Variants in PPFIA2 observed in about 807,000 individuals in gnomAD.
PPFIA2 encodes the protein PPFI scaffold protein A2.
A neutral mutation model predicts 175.5 loss-of-function variants in PPFIA2; 46 were observed. The observed-to-expected ratio is 0.26, with a 90% CI of 0.21 to 0.34. The LOEUF (loss-of-function observed/expected upper bound fraction) is 0.34, where lower values mean the gene tolerates loss of function less well. PPFIA2 is among the 10% of genes least tolerant of loss of function. The probability of loss-of-function intolerance (pLI) is 1.00; values close to 1 mark genes in which losing one functional copy is unlikely to be tolerated. For missense variants in PPFIA2, 1,179 were observed against 1,506.1 expected, an observed-to-expected ratio of 0.78 and a Z score of 3.60; for synonymous variants, 568 against 511.4, an observed-to-expected ratio of 1.11 and a Z score of -1.49.
chr12:81,569,032 G>A (rs2071940280), intron 4 of PPFIA2, among the ~76,000 whole-genome samples: 1 of 151,962 alleles, frequency 6.6e-6, no homozygotes, highest in Admixed American at 6.6e-5. Context: ...CTTCATAATG[G>A]TATTCAAATA....
chr12:81,398,120 C>A (rs1006748986), intron 8 of PPFIA2, among the ~76,000 whole-genome samples: 2 of 152,008 alleles, frequency 1.3e-5, no homozygotes, highest in Non-Finnish European at 2.9e-5. Context: ...CCATCCCCAA[C>A]CACACCCCCA....
intron 3 of PPFIA2, among the ~76,000 whole-genome samples, chr12:81,733,439 TTTG>T (rs1415729793): frequency 1.3e-5 from 2 of 151,566 alleles, no homozygotes; most frequent in Non-Finnish European, 3.0e-5. Context: ...CACTTAAAAT[TTTG>T]TTAAGAGGGT....
intron 5 of PPFIA2, among the ~76,000 whole-genome samples, chr12:81,449,675 C>G (rs932865240): frequency 6.6e-6 from 1 of 151,970 alleles, no homozygotes; most frequent in Non-Finnish European, 1.5e-5. Context: ...TTCTAGGGTA[C>G]ATGTGCACAA....
At chr12:81,473,856 A>C (rs1192597547) in intron 4 of PPFIA2, among the ~76,000 whole-genome samples, 1 of 152,208 alleles carries the variant, frequency 6.6e-6, no homozygotes, top group Admixed American at 6.5e-5. Context: ...TTATGCACAG[A>C]AATCAACATA....
intron 14 of PPFIA2, among the ~76,000 whole-genome samples, chr12:81,363,760 C>G (rs144375310): frequency 2.0e-5 from 3 of 151,736 alleles, no homozygotes; most frequent in African/African-American, 7.3e-5. Context: ...TTTTTACCAG[C>G]TTCAGTCTCT....
intron 5 of PPFIA2, among the ~76,000 whole-genome samples, chr12:81,450,720 TG>T (rs2052398523): frequency 6.6e-6 from 1 of 152,222 alleles, no homozygotes; most frequent in South Asian, 2.1e-4. Context: ...ATCATCCCTA[TG>T]TCCTGAATGG....
chr12:81,338,140 T>C (rs1486188652), intron 21 of PPFIA2, among the ~76,000 whole-genome samples: 1 of 152,086 alleles, frequency 6.6e-6, no homozygotes, highest in Non-Finnish European at 1.5e-5. Context: ...TCAGAAATTC[T>C]TTTGATGGTA....
chr12:81,621,105 T>C (rs980977722), intron 4 of PPFIA2, among the ~76,000 whole-genome samples: 1 of 151,434 alleles, frequency 6.6e-6, no homozygotes, highest in Non-Finnish European at 1.5e-5. Context: ...AGTAGGGGAG[T>C]TGAAAAAATA....
intron 3 of PPFIA2, among the ~76,000 whole-genome samples, chr12:81,742,542 T>C (rs1389291293): frequency 1.3e-5 from 2 of 152,224 alleles, no homozygotes; most frequent in Non-Finnish European, 2.9e-5. Context: ...TTAATTGAGA[T>C]GTCAAAGACT....
intron 7 of PPFIA2, among the ~76,000 whole-genome samples, chr12:81,439,479 G>A (rs962605748): frequency 1.3e-5 from 2 of 151,986 alleles, no homozygotes; most frequent in African/African-American, 4.8e-5. Context: ...TTAAAAAGAT[G>A]ATTGAAAAAA....
At chr12:81,435,554 T>C (rs61934731) in intron 7 of PPFIA2, among the ~76,000 whole-genome samples, 6,401 of 150,696 alleles carry the variant, frequency 0.042, 192 homozygotes, top group Non-Finnish European at 0.064. Flanking sequence ...ATAAGACAAG[T>C]GGTGGTGGTG....
chr12:81,443,747 T>C (rs1013928511), intron 6 of PPFIA2, among the ~76,000 whole-genome samples: 1 of 151,838 alleles, frequency 6.6e-6, no homozygotes, highest in Non-Finnish European at 1.5e-5. Flanking sequence ...CTTACAGCTC[T>C]GGGTTATTTT....
At chr12:81,422,212 G>C (rs776098630) in intron 7 of PPFIA2, among the ~76,000 whole-genome samples, 2 of 150,210 alleles carry the variant, frequency 1.3e-5, no homozygotes, top group Non-Finnish European at 3.0e-5. Flanking sequence ...CGAGAAACAA[G>C]GTATTGGAAA....
At chr12:81,660,824 T>G (rs547709785) in intron 4 of PPFIA2, among the ~76,000 whole-genome samples, 115 of 152,196 alleles carry the variant, frequency 7.6e-4, no homozygotes, top group Non-Finnish European at 1.3e-3. Flanking sequence ...ACAAAGGGAA[T>G]CCCATCAGAC....
chr12:81,391,844 T>C (rs1522310), intron 8 of PPFIA2, among the ~76,000 whole-genome samples: 54,285 of 151,590 alleles, frequency 0.36, 10,595 homozygotes, highest in East Asian at 0.53. Context: ...AAAGACAAAG[T>C]GACACAAGTG....
intron 8 of PPFIA2, among the ~76,000 whole-genome samples, chr12:81,392,960 T>A (rs988342429): frequency 6.6e-6 from 1 of 152,036 alleles, no homozygotes; most frequent in Admixed American, 6.6e-5. Flanking sequence ...TGACCCACTG[T>A]CATGACCTCC....
intron 3 of PPFIA2, among the ~76,000 whole-genome samples, chr12:81,724,701 T>A (rs1023378067): frequency 3.3e-5 from 5 of 151,052 alleles, no homozygotes; most frequent in African/African-American, 1.2e-4. Flanking sequence ...TATGTATATA[T>A]ACCACATTTT....
intron 4 of PPFIA2, among the ~76,000 whole-genome samples, chr12:81,600,424 A>T (rs949740784): frequency 8.6e-5 from 13 of 151,822 alleles, no homozygotes; most frequent in African/African-American, 2.4e-4. Context: ...TTATTTTTTT[A>T]AAATGGTTTT....
intron 22 of PPFIA2, among the ~76,000 whole-genome samples, chr12:81,316,518 T>G (rs990461215): frequency 6.6e-6 from 1 of 151,660 alleles, no homozygotes; most frequent in Non-Finnish European, 1.5e-5. Context: ...ACATGGTTTA[T>G]TTATTAGGGA....
Sources: gnomAD v4.1 joint callset for allele counts (sites outside exome capture counted in the v4.1 genomes callset) on GRCh38, gnomAD v4.1.1 for gene constraint, MANE v1.5 for transcripts, NCBI Gene and HGNC (gene_info 2026-07-23, HGNC 2026-07-21) for gene names.